Variants in TCAIM observed in about 807,000 individuals in gnomAD.
TCAIM encodes T cell activation inhibitor, mitochondrial, also known as T-cell activation inhibitor, mitochondrial.
TCAIM carries 36 observed loss-of-function variants against 58.6 expected under a neutral mutation model. The ratio of observed to expected loss-of-function variants is 0.61; its 90% CI spans 0.47 to 0.81. The LOEUF is 0.81. Among genes scored for constraint, TCAIM ranks in the 30% least tolerant of loss-of-function variants. TCAIM has a pLI of 0.00. For synonymous variants in TCAIM, 172 were observed against 193.6 expected (o/e 0.89, Z 0.93); for missense variants, 466 against 579.6 (o/e 0.80, Z 2.01).
At chr3:44,396,968 T>A in intron 8 of TCAIM, 134 bp downstream of exon 8, 1 of 773,990 alleles carries the variant, frequency 1.3e-6, no homozygotes, top group Non-Finnish European at 2.0e-6. Context: ...TTAATCGCAG[T>A]ATCAGCTGTT....
chr3:44,388,486 T>G (rs1052486365), intron 5 of TCAIM, among the ~76,000 whole-genome samples: 1 of 152,210 alleles, frequency 6.6e-6, no homozygotes, highest in Non-Finnish European at 1.5e-5. Context: ...TGACGTTGTG[T>G]TGTTTTCAGT....
intron 10 of TCAIM, among the ~76,000 whole-genome samples, chr3:44,403,477 T>A (rs994318460): frequency 2.0e-5 from 3 of 152,246 alleles, no homozygotes; most frequent in African/African-American, 7.2e-5. Context: ...TATTTGTTCA[T>A]GCTATTTCTT....
chr3:44,407,231 A>G (rs1702114410), intron 10 of TCAIM, among the ~76,000 whole-genome samples: 1 of 152,112 alleles, frequency 6.6e-6, no homozygotes, highest in Admixed American at 6.5e-5. Flanking sequence ...ACTTTTAGAG[A>G]TCCATGTGAC....
At chr3:44,392,282 G>C (rs9862293) in intron 5 of TCAIM, among the ~76,000 whole-genome samples, 98,692 of 152,036 alleles carry the variant, frequency 0.65, 32,901 homozygotes, top group East Asian at 0.97. Context: ...CAGTTTAACA[G>C]TGGGGCTGCT....
intron 1 of TCAIM, among the ~76,000 whole-genome samples, chr3:44,347,941 G>A (rs1337798468): frequency 1.3e-5 from 2 of 152,150 alleles, no homozygotes; most frequent in Non-Finnish European, 2.9e-5. Flanking sequence ...GCAATGAGGT[G>A]TGGCTGTAGC....
chr3:44,400,282 T>C (rs1462687304), intron 8 of TCAIM, 73 bp from the exon 9 acceptor site: 1 of 1,181,240 alleles, frequency 8.5e-7, no homozygotes, highest in Admixed American at 2.5e-5. Context: ...TAATGCCATT[T>C]ATTGGAATTC....
chr3:44,365,138 C>T (rs1486704718), intron 4 of TCAIM, among the ~76,000 whole-genome samples: 2 of 152,150 alleles, frequency 1.3e-5, no homozygotes, highest in Non-Finnish European at 2.9e-5. Flanking sequence ...TCCAGTGCAG[C>T]AATTTGGGTT....
At chr3:44,397,325 A>G (rs1701950897) in intron 8 of TCAIM, among the ~76,000 whole-genome samples, 1 of 152,138 alleles carries the variant, frequency 6.6e-6, no homozygotes, top group Non-Finnish European at 1.5e-5. Context: ...CTCTCCAAGC[A>G]ACCACTGGTC....
intron 1 of TCAIM, among the ~76,000 whole-genome samples, chr3:44,348,165 G>A (rs956229273): frequency 3.9e-5 from 6 of 152,214 alleles, no homozygotes; most frequent in Non-Finnish European, 5.9e-5. Context: ...AGAAGGTAAT[G>A]TGGAGTGGGT....
chr3:44,361,716 T>A (rs1701299035), intron 4 of TCAIM, among the ~76,000 whole-genome samples, 198 bp downstream of exon 4: 1 of 152,234 alleles, frequency 6.6e-6, no homozygotes, highest in Admixed American at 6.5e-5. Context: ...TGTTTAAACG[T>A]TTTTGTTTCT....
chr3:44,381,422 A>G (rs1367045336), intron 5 of TCAIM, among the ~76,000 whole-genome samples: 1 of 152,182 alleles, frequency 6.6e-6, no homozygotes, highest in African/African-American at 2.4e-5. Context: ...AAATGCAAAA[A>G]GTATTTGACA....
Position 44,407,579 on chromosome 3 carries a change from A to T in TCAIM, c.1388A>T (p.Tyr463Phe), listed in dbSNP as rs145515796. Residue 463 changes from tyrosine to phenylalanine, a missense_variant, in exon 11 of 11, where the codon TAC becomes TTC. Tyr to Phe is a conservative substitution (Grantham distance 22). Transcript: ENST00000342649. Reference protein sequence around the residue: ...CKRLLEQSLPYLHGMHLCISH... With the variant: ...CKRLLEQSLPFLHGMHLCISH... The stretch of plus-strand genomic sequence containing the variant: ...AGACTTCTAGAACAATCACTGCCTT[A>T]CCTACATGGGATGCACCTCTGCATT... 40 of 1,613,924 alleles carry T rather than the reference A, an allele frequency of 2.5e-5. No individual in the cohort carries two copies. The African/African-American group carries it at 4.9e-4, about 20-fold the overall frequency.
At chr3:44,370,801 G>A (rs1341852654) in intron 5 of TCAIM, among the ~76,000 whole-genome samples, 21 of 148,544 alleles carry the variant, frequency 1.4e-4, no homozygotes, top group Non-Finnish European at 2.5e-4. Context: ...GAGTGCAGTG[G>A]CATGATCATA....
chr3:44,342,526 C>T (rs1258503634), intron 1 of TCAIM, among the ~76,000 whole-genome samples: 1 of 152,074 alleles, frequency 6.6e-6, no homozygotes, highest in Non-Finnish European at 1.5e-5. Context: ...CTTTATTTAT[C>T]AATCAAATTT....
At chr3:44,358,257 C>A in intron 3 of TCAIM, 1 of 1,357,754 alleles carries the variant, frequency 7.4e-7, no homozygotes, top group South Asian at 1.2e-5. Flanking sequence ...AGTGATTTTT[C>A]CTTATGATGC....
intron 5 of TCAIM, 49 bp downstream of exon 5, chr3:44,367,757 A>G: frequency 1.3e-6 from 2 of 1,498,644 alleles, no homozygotes; most frequent in Non-Finnish European, 1.8e-6. Flanking sequence ...GTTTGTGTTT[A>G]TGACACTGAT....
Position 44,392,971 on chromosome 3 carries a change from A to T in TCAIM, c.689A>T (p.Asp230Val). ...DELSHQLQLS[D>V]IRWQRSWGIA... ...CTGTCTCATCAATTGCAACTCTCAG[A>T]TATCAGGTAAGAAAGAAGAGAGAAC... The change falls in exon 6 of 11, where the codon GAT (aspartate) becomes GTT (valine). Residue 230 changes from aspartate (D) to valine (V), a missense_variant. Physicochemically the swap from Asp to Val is radical, Grantham distance 152 (BLOSUM62 -3). Transcript: ENST00000342649. 1 of 1,609,168 alleles carries T rather than the reference A, an allele frequency of 6.2e-7. No individual in the cohort carries two copies. Among genetic ancestry groups the T allele is most frequent in the Non-Finnish European group, 8.5e-7 (1 of 1,178,080 alleles).
At position 44,407,988 on chromosome 3, in the gene TCAIM, C is replaced by G. The variant is rs1001439830; in HGVS notation, c.*306C>G. The G allele has an allele frequency of 1.6e-5, 3 of 192,578 alleles. No individual in the cohort carries two copies. The highest frequency in any genetic ancestry group is 6.0e-5 in the Admixed American group (1 of 16,552). 11.9% of individuals were successfully genotyped at this position (192,578 alleles called of 1,614,324 possible). On this transcript the variant is annotated 3_prime_UTR_variant, in exon 11 of 11. Transcript: ENST00000342649. The stretch of plus-strand genomic sequence containing the variant: ...TTGCCCTCCAGCCTGAGCAACAGAA[C>G]AAGACCTTGTCTCAAAAAATAATAA...
At chr3:44,369,595 A>G (rs909352742) in intron 5 of TCAIM, among the ~76,000 whole-genome samples, 1 of 152,342 alleles carries the variant, frequency 6.6e-6, no homozygotes, top group East Asian at 1.9e-4. Flanking sequence ...AGCCAACTCA[A>G]CAAGATAAGT....
Sources: allele counts gnomAD v4.1 joint callset (sites outside exome capture counted in the v4.1 genomes callset), GRCh38; gene constraint gnomAD v4.1.1; transcripts MANE v1.5; gene names NCBI Gene and HGNC (gene_info 2026-07-23, HGNC 2026-07-21).